Variants in PALLD observed in about 807,000 individuals in gnomAD.
The protein encoded by PALLD is palladin, cytoskeletal associated protein, also known as palladin.
A neutral mutation model predicts 123.5 loss-of-function variants in PALLD; 61 were observed. The observed-to-expected ratio is 0.49, with a 90% CI of 0.40 to 0.61. The LOEUF is 0.61. Among genes scored for constraint, PALLD ranks in the 20% least tolerant of loss-of-function variants. The pLI is 0.00. For missense variants in PALLD, 1,273 were observed against 1,377.0 expected (o/e 0.92, Z 1.20); for synonymous variants, 465 against 496.4 (o/e 0.94, Z 0.84).
intron 10 of PALLD, among the ~76,000 whole-genome samples, chr4:168,751,016 AT>A (rs748523240): frequency 0.038 from 5,413 of 141,816 alleles, 295 homozygotes; most frequent in African/African-American, 0.12. Context: ...CTGCGTGTGT[AT>A]TTTTTTTTTT....
chr4:168,525,521 T>G (rs919292949), intron 2 of PALLD, among the ~76,000 whole-genome samples: 4 of 152,214 alleles, frequency 2.6e-5, no homozygotes, highest in African/African-American at 9.6e-5. Context: ...ACTGAACATT[T>G]GTGCTGCCCC....
chr4:168,644,795 A>G (rs747072224), intron 2 of PALLD, among the ~76,000 whole-genome samples: 5 of 152,146 alleles, frequency 3.3e-5, no homozygotes, highest in Non-Finnish European at 5.9e-5. Context: ...TGAAAATAGC[A>G]TATGCATCAG....
intron 14 of PALLD, among the ~76,000 whole-genome samples, chr4:168,903,243 T>A (rs1409940284): frequency 6.6e-6 from 1 of 152,106 alleles, no homozygotes; most frequent in Non-Finnish European, 1.5e-5. Context: ...AGTCATCACC[T>A]CCCTCCCTAC....
At chr4:168,670,697 C>A (rs1470626069) in intron 3 of PALLD, among the ~76,000 whole-genome samples, 2 of 140,884 alleles carry the variant, frequency 1.4e-5, no homozygotes. Context: ...TGCGCCACTG[C>A]AGTCCGCAGT....
intron 2 of PALLD, among the ~76,000 whole-genome samples, chr4:168,621,136 T>G (rs1774722871): frequency 6.6e-6 from 1 of 152,266 alleles, no homozygotes; most frequent in Admixed American, 6.5e-5. Context: ...ACTATAAGTT[T>G]GCTTTGTGTT....
intron 10 of PALLD, among the ~76,000 whole-genome samples, chr4:168,828,365 G>A (rs893699590): frequency 2.0e-5 from 3 of 152,168 alleles, no homozygotes; most frequent in Non-Finnish European, 4.4e-5. Flanking sequence ...GAACAATGTC[G>A]ATTTGTGGTA....
chr4:168,927,460 T>C lies in PALLD; in HGVS notation c.*1280T>C, dbSNP rs913210293. On this transcript the variant is annotated 3_prime_UTR_variant, in exon 22 of 22. Coordinates refer to ENST00000505667, the MANE Select transcript of PALLD (RefSeq NM_001166108.2). ...TGAGGTTTGTGTAGTAGTGGAAGAT[T>C]TTAGGTATGTAGAGCAAGTTGAAAA... 3.0e-5 allele frequency: 7 copies of C among 232,624 alleles called. No homozygotes were observed. The highest frequency in any genetic ancestry group is 5.9e-5 in the Non-Finnish European group (7 of 117,700). 14.4% of individuals were successfully genotyped at this position (232,624 alleles called of 1,614,324 possible).
At chr4:168,866,913 C>T (rs1447893674) in intron 10 of PALLD, among the ~76,000 whole-genome samples, 1 of 152,156 alleles carries the variant, frequency 6.6e-6, no homozygotes, top group Non-Finnish European at 1.5e-5. Context: ...GAGGGGCAGA[C>T]TTAGAGCCAT....
chr4:168,558,145 A>C (rs7686003), intron 2 of PALLD, among the ~76,000 whole-genome samples: 48,298 of 151,836 alleles, frequency 0.32, 8,399 homozygotes, highest in East Asian at 0.65. Context: ...GTCACCTCTC[A>C]CCCCTACGGG....
chr4:168,825,818 A>G (rs377559219), intron 10 of PALLD, among the ~76,000 whole-genome samples: 31 of 152,226 alleles, frequency 2.0e-4, no homozygotes, highest in African/African-American at 7.2e-4. Flanking sequence ...GAAATGCGAC[A>G]CAAGATTCCT....
intron 10 of PALLD, among the ~76,000 whole-genome samples, chr4:168,840,132 G>T (rs1305037192): frequency 6.6e-6 from 1 of 151,594 alleles, no homozygotes; most frequent in East Asian, 1.9e-4. Flanking sequence ...ATCTATTTTT[G>T]GCTCTATTAA....
At chr4:168,559,025 C>T (rs771590064) in intron 2 of PALLD, among the ~76,000 whole-genome samples, 11 of 152,156 alleles carry the variant, frequency 7.2e-5, no homozygotes, top group Non-Finnish European at 1.5e-4. Context: ...ATTTGATTTA[C>T]CCTAATATAG....
intron 11 of PALLD, chr4:168,894,300 A>C (rs1404546504): frequency 6.6e-6 from 3 of 457,050 alleles, no homozygotes; most frequent in Middle Eastern, 6.2e-4. Context: ...GGACATGACA[A>C]ATCTTTTCTG....
chr4:168,779,483 T>C (rs978091595), intron 10 of PALLD, among the ~76,000 whole-genome samples: 5 of 151,052 alleles, frequency 3.3e-5, no homozygotes, highest in Admixed American at 2.0e-4. Flanking sequence ...CATGTGAACA[T>C]CATATATATA....
chr4:168,728,728 T>A (rs1786845280), intron 10 of PALLD, among the ~76,000 whole-genome samples: 1 of 152,214 alleles, frequency 6.6e-6, no homozygotes, highest in Non-Finnish European at 1.5e-5. Flanking sequence ...TCCCATAAGT[T>A]ATTGTGGTAC....
chr4:168,869,105 G>C lies in PALLD; in HGVS notation c.1965-21817G>C, dbSNP rs1750734069. On this transcript the variant is annotated intron_variant, in intron 10 of 21. Transcript: ENST00000505667. This position sits in a 1 kb window ranked among gnomAD's most constrained non-coding sequence, Gnocchi z 4.5. ...TTCGGGTTTGGGAGTTTCACATTTT[G>C]GATACTAACAAGCCAGAAATATATA... Among the ~76,000 whole-genome samples, 1 of 152,036 alleles carries C rather than the reference G, an allele frequency of 6.6e-6. No homozygotes were observed. Among genetic ancestry groups the C allele is most frequent in the South Asian group, 2.1e-4 (1 of 4,810 alleles).
intron 10 of PALLD, chr4:168,877,794 C>A: frequency 8.1e-7 from 1 of 1,227,390 alleles, no homozygotes; most frequent in South Asian, 3.3e-5. Flanking sequence ...CGGCAGCCTC[C>A]GCCAGCCCCG....
chr4:168,742,635 A>G (rs534484602), intron 10 of PALLD, among the ~76,000 whole-genome samples: 1 of 152,322 alleles, frequency 6.6e-6, no homozygotes, highest in African/African-American at 2.4e-5. Context: ...TTTCCCAACT[A>G]TGGTGAAAGA....
chr4:168,646,126 C>G (rs978875033), intron 2 of PALLD, among the ~76,000 whole-genome samples: 19 of 152,174 alleles, frequency 1.2e-4, no homozygotes, highest in Non-Finnish European at 2.6e-4. Context: ...GCAGCATCAC[C>G]TCCAGGCCAT....
Sources: allele counts gnomAD v4.1 joint callset (sites outside exome capture counted in the v4.1 genomes callset), GRCh38; gene constraint gnomAD v4.1.1; non-coding constraint Gnocchi (gnomAD v3.1); transcripts MANE v1.5; gene names NCBI Gene and HGNC (gene_info 2026-07-23, HGNC 2026-07-21).